The following NCKAP5 variants were observed in gnomAD, a reference collection of about 807,000 sequenced individuals.
NCKAP5 encodes NCK associated protein 5.
In NCKAP5, 92 loss-of-function variants were observed where a neutral mutation model predicts 167.0. That is an observed-to-expected ratio of 0.55 (90% CI 0.47 to 0.66). The LOEUF is 0.66. Among genes scored for constraint, NCKAP5 ranks in the 30% least tolerant of loss-of-function variants. The probability of loss-of-function intolerance (pLI) is 0.00; values close to 1 mark genes in which losing one functional copy is unlikely to be tolerated. For missense variants in NCKAP5, 2,378 were observed against 2,315.0 expected (o/e 1.03, Z -0.56); for synonymous variants, 891 against 877.4 (o/e 1.02, Z -0.27).
chr2:133,581,340 G>A, the NCKAP5 span, among the ~76,000 whole-genome samples: 81 of 152,100 alleles, frequency 5.3e-4, 1 homozygote, highest in Non-Finnish European at 6.0e-4. Flanking sequence ...ACTTCCTGTT[G>A]TAAGGGATTC....
intron 6 of NCKAP5, among the ~76,000 whole-genome samples, chr2:133,008,985 T>G (rs972768581): frequency 1.3e-5 from 2 of 152,204 alleles, no homozygotes; most frequent in South Asian, 4.1e-4. Flanking sequence ...GGTTCCAGCT[T>G]AAGTCCCATC....
intron 2 of NCKAP5, among the ~76,000 whole-genome samples, chr2:133,535,933 C>G (rs765877918): frequency 3.3e-5 from 5 of 151,928 alleles, no homozygotes; most frequent in African/African-American, 1.2e-4. Flanking sequence ...GTCACTTGTA[C>G]GTCTTCTTTT....
chr2:133,423,727 G>A (rs781208080), intron 3 of NCKAP5, among the ~76,000 whole-genome samples: 2 of 152,094 alleles, frequency 1.3e-5, no homozygotes, highest in African/African-American at 2.4e-5. Context: ...TATGCATGTC[G>A]TGACTGGTGA....
the NCKAP5 span, among the ~76,000 whole-genome samples, chr2:133,647,473 G>GGAAAGGAAAGGAAAGGA: frequency 1.6e-5 from 1 of 62,600 alleles, no homozygotes; most frequent in African/African-American, 7.5e-5. Flanking sequence ...AAGGGCAAGG[G>GGAAAGGAAAGGAAAGGA]AAGGAAAGGA....
chr2:132,752,265 C>T (rs951336249), intron 16 of NCKAP5, among the ~76,000 whole-genome samples: 9 of 152,234 alleles, frequency 5.9e-5, no homozygotes, highest in African/African-American at 2.2e-4. Context: ...TCTTTGGTTC[C>T]CTTACGGTGA....
chr2:133,340,534 C>CT (rs1683503205), intron 3 of NCKAP5, among the ~76,000 whole-genome samples: 1 of 152,054 alleles, frequency 6.6e-6, no homozygotes, highest in Non-Finnish European at 1.5e-5. Flanking sequence ...ATTATTTTGA[C>CT]TTACAACAGT....
At chr2:132,895,070 A>G (rs540316404) in intron 8 of NCKAP5, among the ~76,000 whole-genome samples, 84 of 152,182 alleles carry the variant, frequency 5.5e-4, no homozygotes, top group Admixed American at 2.6e-3. Context: ...AGTGGCTCAC[A>G]TCTGTAATCC....
chr2:133,473,056 G>A (rs765464367), intron 3 of NCKAP5, among the ~76,000 whole-genome samples: 46 of 152,230 alleles, frequency 3.0e-4, no homozygotes, highest in East Asian at 3.9e-4. Context: ...AGTTAGGGCC[G>A]GGCGCGATGG....
In NCKAP5 at chr2:133,279,627, A is replaced by G. The variant is rs191846437; in HGVS notation, c.143+23410T>C. ...TATTTAATAATTAAACCTCTATGAC[A>G]ATGGCCCAGGGCCAACTGAATTCAG... On this transcript the variant is annotated intron_variant, in intron 4 of 19. Coordinates refer to ENST00000409261, the MANE Select transcript of NCKAP5 (RefSeq NM_207363.3). 1.6e-3 allele frequency among the ~76,000 whole-genome samples: 238 copies of G among 152,360 alleles called. 1 individual carries two copies. Among genetic ancestry groups the G allele is most frequent in the Middle Eastern group, 6.8e-3 (2 of 294 alleles).
intron 16 of NCKAP5, among the ~76,000 whole-genome samples, chr2:132,738,443 G>C (rs568702746): frequency 6.6e-6 from 1 of 152,282 alleles, no homozygotes; most frequent in African/African-American, 2.4e-5. Context: ...CTGCCATACT[G>C]TTTAACACCA....
At chr2:132,793,950 T>C (rs889390411) in intron 12 of NCKAP5, among the ~76,000 whole-genome samples, 1 of 152,014 alleles carries the variant, frequency 6.6e-6, no homozygotes, top group East Asian at 1.9e-4. Flanking sequence ...GATTATCACA[T>C]AGGATTATCT....
intron 16 of NCKAP5, among the ~76,000 whole-genome samples, chr2:132,742,733 T>G (rs1679311180): frequency 6.6e-6 from 1 of 151,956 alleles, no homozygotes; most frequent in Non-Finnish European, 1.5e-5. Context: ...AACCTTAAGC[T>G]TTTAAAAAAT....
At chr2:132,893,563 A>T (rs979985034) in intron 8 of NCKAP5, among the ~76,000 whole-genome samples, 2 of 152,324 alleles carry the variant, frequency 1.3e-5, no homozygotes, top group Admixed American at 1.3e-4. Flanking sequence ...CACACACAAA[A>T]TCTTCCAACA....
At chr2:132,794,261 TATAGAGAGAGAGAGAGAG>T (rs1212919524) in intron 12 of NCKAP5, among the ~76,000 whole-genome samples, 8 of 23,500 alleles carry the variant, frequency 3.4e-4, no homozygotes, top group African/African-American at 1.0e-3. Flanking sequence ...TATATATATA[TATAGAGAGAGAGAGAGAG>T]AGAGAGAGAG....
intron 5 of NCKAP5, among the ~76,000 whole-genome samples, chr2:133,200,061 C>CTTTCTTT (rs1305043203): frequency 9.1e-6 from 1 of 109,374 alleles, no homozygotes; most frequent in African/African-American, 3.4e-5. Context: ...TTTTTTCTTT[C>CTTTCTTT]TTTTTTTTTT....
chr2:132,860,627 C>T lies in NCKAP5; in HGVS notation c.688-16G>A, dbSNP rs752381216. On this transcript the variant is annotated splice_polypyrimidine_tract_variant and intron_variant, in intron 10 of 19. Transcript: ENST00000409261. ...CTCTTAGATCCTACAACAAACACAT[C>T]GAAGGAGGAAAAAGTCCATAACTGA... 1.0e-5 allele frequency: 16 copies of T among 1,557,166 alleles called. No individual in the cohort carries two copies. The highest frequency in any genetic ancestry group is 6.8e-5 in the African/African-American group (5 of 73,544).
chr2:133,029,785 A>T (rs1378663532), intron 6 of NCKAP5, among the ~76,000 whole-genome samples: 1 of 152,232 alleles, frequency 6.6e-6, no homozygotes, highest in Non-Finnish European at 1.5e-5. Flanking sequence ...AAATTGGGGC[A>T]GTGAACATCA....
chr2:133,593,023 A>T, the NCKAP5 span, among the ~76,000 whole-genome samples: 1 of 152,196 alleles, frequency 6.6e-6, no homozygotes, highest in Non-Finnish European at 1.5e-5. Flanking sequence ...CAGCACTGAG[A>T]ACCATGAGCA....
At chr2:132,835,383 T>C (rs1402642684) in intron 11 of NCKAP5, among the ~76,000 whole-genome samples, 1 of 152,208 alleles carries the variant, frequency 6.6e-6, no homozygotes, top group East Asian at 1.9e-4. Flanking sequence ...CTTTGCCCTC[T>C]CAGCGTCTTC....
Sources: gnomAD v4.1 joint callset for allele counts (sites outside exome capture counted in the v4.1 genomes callset) on GRCh38, gnomAD v4.1.1 for gene constraint, MANE v1.5 for transcripts, NCBI Gene and HGNC (gene_info 2026-07-23, HGNC 2026-07-21) for gene names.